The following COL5A2 variants were observed in gnomAD, a reference collection of about 807,000 sequenced individuals.
COL5A2 encodes the protein collagen alpha-2(V) chain.
A neutral mutation model predicts 208.2 loss-of-function variants in COL5A2; 23 were observed. That is an observed-to-expected ratio of 0.11 (90% CI 0.08 to 0.16). The LOEUF (loss-of-function observed/expected upper bound fraction) is 0.16, where lower values mean the gene tolerates loss of function less well. COL5A2 is among the 10% of genes least tolerant of loss of function. The pLI is 1.00. For synonymous variants in COL5A2, 625 were observed against 628.5 expected (o/e 0.99, Z 0.08); for missense variants, 1,590 against 1,956.4 (o/e 0.81, Z 3.53).
rs747959224 is a variant in COL5A2 at position 189,034,912 on chromosome 2, T to C, written c.4353+4A>G. The C allele has an allele frequency of 1.2e-6, 2 of 1,613,864 alleles. No individual in the cohort carries two copies. The highest frequency in any genetic ancestry group is 1.1e-5 in the South Asian group (1 of 91,080). On this transcript the variant is annotated splice_donor_region_variant and intron_variant, in intron 53 of 53. Transcript: ENST00000374866. ...CAGATCAATGTAGATCAAAAAGTAC[T>C]TACAGAGCAAGTGTCTTGAAGAACG...
At chr2:189,202,521 C>T (rs1218756132) in intron 1 of COL5A2, among the ~76,000 whole-genome samples, 1 of 152,104 alleles carries the variant, frequency 6.6e-6, no homozygotes, top group Non-Finnish European at 1.5e-5. Flanking sequence ...AGAGTGTTCA[C>T]ATTTAGAAGC....
chr2:189,304,491 G>C, the COL5A2 span, among the ~76,000 whole-genome samples: 3,553 of 152,258 alleles, frequency 0.023, 140 homozygotes, highest in African/African-American at 0.081. Context: ...GGGTGACAGA[G>C]AGTCAGGAAG....
the COL5A2 span, among the ~76,000 whole-genome samples, chr2:189,386,449 G>A: frequency 6.6e-6 from 1 of 152,026 alleles, no homozygotes; most frequent in South Asian, 2.1e-4. Context: ...GTCCCCAAAA[G>A]CAACTGCAAC....
intron 6 of COL5A2, among the ~76,000 whole-genome samples, chr2:189,095,401 G>C (rs1686886130): frequency 6.6e-6 from 1 of 152,122 alleles, no homozygotes; most frequent in Admixed American, 6.5e-5. Context: ...AGGATTAAGA[G>C]AGGAACAGAT....
intron 1 of COL5A2, among the ~76,000 whole-genome samples, chr2:189,191,163 C>CCAAAAAAAAAAAA (rs748055610): frequency 3.2e-4 from 23 of 72,250 alleles, no homozygotes; most frequent in East Asian, 1.2e-3. Flanking sequence ...AAAAAACAAA[C>CCAAAAAAAAAAAA]AAACAACAAA....
intron 1 of COL5A2, among the ~76,000 whole-genome samples, chr2:189,118,255 T>G (rs1432347027): frequency 6.6e-6 from 1 of 152,058 alleles, no homozygotes; most frequent in Non-Finnish European, 1.5e-5. Context: ...ACATATATTT[T>G]TACTCATTTT....
intron 1 of COL5A2, among the ~76,000 whole-genome samples, chr2:189,208,557 G>T (rs919626099): frequency 2.6e-5 from 4 of 152,210 alleles, no homozygotes; most frequent in African/African-American, 9.6e-5. Flanking sequence ...GTGCAGAAGG[G>T]ACTGGAAGTT....
chr2:189,402,178 A>T, the COL5A2 span, among the ~76,000 whole-genome samples: 11 of 152,046 alleles, frequency 7.2e-5, no homozygotes, highest in South Asian at 2.3e-3. Flanking sequence ...TAGGTTTCTT[A>T]TAAGGTTTTT....
chr2:189,227,368 C>T (rs995769458), upstream of COL5A2, among the ~76,000 whole-genome samples: 1 of 152,106 alleles, frequency 6.6e-6, no homozygotes, highest in African/African-American at 2.4e-5. Context: ...AATAAGTTCT[C>T]CTCTATCAGT....
intron 1 of COL5A2, among the ~76,000 whole-genome samples, chr2:189,194,952 G>C (rs533023196): frequency 6.6e-6 from 1 of 152,134 alleles, no homozygotes; most frequent in South Asian, 2.1e-4. Flanking sequence ...TGAACATAGT[G>C]CTAGAAGTTC....
At chr2:189,429,002 A>G in the COL5A2 span, among the ~76,000 whole-genome samples, 1 of 152,316 alleles carries the variant, frequency 6.6e-6, no homozygotes, top group Admixed American at 6.5e-5. Context: ...ACACAAAATT[A>G]CAATCAGGCC....
chr2:189,258,305 G>C, the COL5A2 span, among the ~76,000 whole-genome samples: 1 of 152,074 alleles, frequency 6.6e-6, no homozygotes, highest in African/African-American at 2.4e-5. Context: ...TTTTGGCAGA[G>C]TGGTCATCTC....
the COL5A2 span, among the ~76,000 whole-genome samples, chr2:189,279,033 T>A: frequency 3.3e-5 from 5 of 151,958 alleles, no homozygotes; most frequent in African/African-American, 1.2e-4. Context: ...TCCTCTATAA[T>A]GTGTTATTCA....
the COL5A2 span, among the ~76,000 whole-genome samples, chr2:189,403,573 T>C: frequency 3.3e-5 from 5 of 152,196 alleles, no homozygotes; most frequent in African/African-American, 1.2e-4. Flanking sequence ...ATGGCTCTTG[T>C]CGTTTTGAGG....
At chr2:189,087,440 A>G (rs1463646486) in intron 8 of COL5A2, among the ~76,000 whole-genome samples, 1 of 151,990 alleles carries the variant, frequency 6.6e-6, no homozygotes, top group Non-Finnish European at 1.5e-5. Context: ...TTTAAAAAGT[A>G]AAATAAATTA....
the COL5A2 span, among the ~76,000 whole-genome samples, chr2:189,337,094 AT>A: frequency 6.6e-6 from 1 of 152,154 alleles, no homozygotes; most frequent in Non-Finnish European, 1.5e-5. Context: ...TTTAAACTGG[AT>A]TAAATGACCC....
chr2:189,342,721 C>T, the COL5A2 span, among the ~76,000 whole-genome samples: 1 of 150,720 alleles, frequency 6.6e-6, no homozygotes, highest in African/African-American at 2.4e-5. Context: ...AATGTCTTTA[C>T]GTCCACCAAT....
intron 1 of COL5A2, among the ~76,000 whole-genome samples, chr2:189,165,782 T>C (rs1344477753): frequency 6.6e-6 from 1 of 152,178 alleles, no homozygotes. Context: ...TAAAAAGCTC[T>C]ATATGTAGAA....
At chr2:189,381,922 A>T in the COL5A2 span, among the ~76,000 whole-genome samples, 2 of 152,176 alleles carry the variant, frequency 1.3e-5, no homozygotes, top group Admixed American at 1.3e-4. Context: ...GCCCTTTATT[A>T]TTGTGTCATT....
Sources: gnomAD v4.1 joint callset for allele counts (sites outside exome capture counted in the v4.1 genomes callset) on GRCh38, gnomAD v4.1.1 for gene constraint, MANE v1.5 for transcripts, NCBI Gene and HGNC (gene_info 2026-07-23, HGNC 2026-07-21) for gene names.